The following SLCO3A1 variants were observed in gnomAD, a reference collection of about 807,000 sequenced individuals.
SLCO3A1 encodes solute carrier organic anion transporter family member 3A1.
A neutral mutation model predicts 63.1 loss-of-function variants in SLCO3A1; 27 were observed. The observed-to-expected ratio is 0.43, with a 90% CI of 0.32 to 0.59. The LOEUF is 0.59. Among genes scored for constraint, SLCO3A1 ranks in the 20% least tolerant of loss-of-function variants. SLCO3A1 has a pLI of 0.09. For missense variants in SLCO3A1, 773 were observed against 945.8 expected, an observed-to-expected ratio of 0.82 and a Z score of 2.40; for synonymous variants, 473 against 409.9, an observed-to-expected ratio of 1.15 and a Z score of -1.86.
At chr15:92,147,193 T>C (rs2048237999) in intron 8 of SLCO3A1, 34 bp downstream of exon 8, 1 of 1,585,486 alleles carries the variant, frequency 6.3e-7, no homozygotes, top group Non-Finnish European at 8.6e-7. Context: ...CTCTCCTCCT[T>C]TCCACCTGGT....
intron 2 of SLCO3A1, among the ~76,000 whole-genome samples, chr15:91,926,937 A>G (rs1266922633): frequency 6.6e-6 from 1 of 152,176 alleles, no homozygotes; most frequent in Admixed American, 6.5e-5. Flanking sequence ...CTTTGGTGAC[A>G]GGCATTTTGG....
At chr15:92,054,094 A>G (rs956936029) in intron 2 of SLCO3A1, among the ~76,000 whole-genome samples, 6 of 152,206 alleles carry the variant, frequency 3.9e-5, no homozygotes, top group Non-Finnish European at 8.8e-5. Flanking sequence ...TTTACAATCC[A>G]GTACTGCTAT....
chr15:92,095,014 G>C, intron 3 of SLCO3A1, 35 bp downstream of exon 3: 1 of 1,421,950 alleles, frequency 7.0e-7, no homozygotes, highest in Non-Finnish European at 9.9e-7. Context: ...CCTTCCATCC[G>C]CAAGCGTTTC....
At chr15:91,861,116 T>A (rs934382362) in intron 1 of SLCO3A1, among the ~76,000 whole-genome samples, 4 of 152,154 alleles carry the variant, frequency 2.6e-5, no homozygotes, top group Non-Finnish European at 5.9e-5. Context: ...GTTTTTAGAT[T>A]CACCTTCAAA....
At chr15:92,144,379 T>C (rs1319596103) in intron 7 of SLCO3A1, among the ~76,000 whole-genome samples, 1 of 152,152 alleles carries the variant, frequency 6.6e-6, no homozygotes, top group African/African-American at 2.4e-5. Flanking sequence ...TATGAGGAGA[T>C]GCCCAGATAA....
chr15:92,164,248 A>G lies in SLCO3A1; in HGVS notation c.*1113A>G. 3.0e-6 allele frequency: 3 copies of G among 984,258 alleles called. No homozygotes were observed. Among genetic ancestry groups the G allele is most frequent in the South Asian group, 4.7e-5 (1 of 21,260 alleles). The allele number at this position is 984,258 out of a possible 1,614,324, so 61.0% of individuals were successfully genotyped here. A position where few individuals can be genotyped will look rare whatever the true frequency, so the allele number is the denominator to read the frequency against. On this transcript the variant is annotated 3_prime_UTR_variant, in exon 10 of 10. Transcript: ENST00000318445. Reference sequence around the variant, plus strand: ...CAAGGGATGCAATTAACCTATTGTAATTTTCATCATTTTATCCTCATTCGA... The same window carrying G: ...CAAGGGATGCAATTAACCTATTGTAGTTTTCATCATTTTATCCTCATTCGA...
rs181438460 is a variant in SLCO3A1 at position 92,066,438 on chromosome 15, A to G, written c.647-28443A>G. Among the ~76,000 whole-genome samples, 577 of 152,354 alleles carry G rather than the reference A, an allele frequency of 3.8e-3. 4 individuals carry two copies. The highest frequency in any genetic ancestry group is 0.013 in the African/African-American group (554 of 41,578). The stretch of plus-strand genomic sequence containing the variant: ...ATCCATAGGGTCTGGGATGCTGAAC[A>G]AACAGCCACAATTTCAGTTATTGTT... On this transcript the variant is annotated intron_variant, in intron 2 of 9. Coordinates refer to ENST00000318445, the MANE Select transcript of SLCO3A1 (RefSeq NM_013272.4).
intron 1 of SLCO3A1, among the ~76,000 whole-genome samples, chr15:91,899,654 A>G (rs1453493302): frequency 3.3e-5 from 5 of 152,148 alleles, no homozygotes. Context: ...CATGCTAAGT[A>G]TACAAGTCAA....
intron 2 of SLCO3A1, among the ~76,000 whole-genome samples, chr15:91,962,524 G>A (rs1900488461): frequency 6.6e-6 from 1 of 150,536 alleles, no homozygotes; most frequent in African/African-American, 2.4e-5. Flanking sequence ...CCTGTGGCCT[G>A]AGAAAGAAAA....
intron 2 of SLCO3A1, among the ~76,000 whole-genome samples, chr15:91,979,764 C>T (rs546072844): frequency 6.6e-6 from 1 of 152,298 alleles, no homozygotes; most frequent in Non-Finnish European, 1.5e-5. Context: ...GTATACAATG[C>T]ATGTCAAGTG....
intron 2 of SLCO3A1, among the ~76,000 whole-genome samples, chr15:92,003,772 C>A (rs1567061581): frequency 6.6e-6 from 1 of 152,184 alleles, no homozygotes; most frequent in Non-Finnish European, 1.5e-5. Context: ...ATTACATGCA[C>A]CACCAGCCAG....
At chr15:91,957,050 TAA>T (rs1900234535) in intron 2 of SLCO3A1, among the ~76,000 whole-genome samples, 2 of 5,442 alleles carry the variant, frequency 3.7e-4, no homozygotes, top group African/African-American at 1.3e-3. Flanking sequence ...AGTATATATA[TAA>T]TATATACTAT....
intron 1 of SLCO3A1, among the ~76,000 whole-genome samples, chr15:91,873,425 C>CA (rs1009370230): frequency 1.3e-5 from 2 of 151,596 alleles, no homozygotes; most frequent in African/African-American, 4.8e-5. Context: ...TATGACGAAA[C>CA]AAAAAAGTAG....
At chr15:92,016,254 T>TAGATTGATTAGATAGATAGATAGATAGA in intron 2 of SLCO3A1, among the ~76,000 whole-genome samples, 38 of 95,708 alleles carry the variant, frequency 4.0e-4, no homozygotes, top group Non-Finnish European at 4.3e-4. Context: ...GATAGATAGA[T>TAGATTGATTAGATAGATAGATAGATAGA]TAGATAGATA....
intron 2 of SLCO3A1, among the ~76,000 whole-genome samples, chr15:91,994,305 A>T (rs373147732): frequency 6.6e-5 from 10 of 152,120 alleles, no homozygotes; most frequent in African/African-American, 1.7e-4. Flanking sequence ...CAGAGATTAT[A>T]TTTACTTTTT....
At chr15:92,151,195 C>G (rs113367462) in intron 9 of SLCO3A1, 181 bp downstream of exon 9, 187 of 556,310 alleles carry the variant, frequency 3.4e-4, no homozygotes, top group African/African-American at 2.8e-3. Context: ...GACACTGCCT[C>G]GATATCACGA....
At chr15:92,096,137 A>G (rs770247587) in intron 3 of SLCO3A1, among the ~76,000 whole-genome samples, 1 of 152,094 alleles carries the variant, frequency 6.6e-6, no homozygotes, top group Non-Finnish European at 1.5e-5. Context: ...CAAGGTGGCA[A>G]CCTGGTCTTG....
In SLCO3A1 at chr15:92,033,714, G is replaced by A. The variant is rs1567078412; in HGVS notation, c.647-61167G>A. Among the ~76,000 whole-genome samples the A allele has an allele frequency of 1.3e-5, 2 of 152,184 alleles. No individual in the cohort carries two copies. Among genetic ancestry groups the A allele is most frequent in the South Asian group, 2.1e-4 (1 of 4,828 alleles). On this transcript the variant is annotated intron_variant, in intron 2 of 9. Coordinates refer to ENST00000318445, the MANE Select transcript of SLCO3A1 (RefSeq NM_013272.4). This position sits in a 1 kb window ranked among gnomAD's most constrained non-coding sequence, Gnocchi z 4.5. Reference sequence around the variant, plus strand: ...AACTAAGAAGAGTAGGTGGTGGCTCGCTGGTGGCAAAAAAGACGGGGATAG... The same window carrying A: ...AACTAAGAAGAGTAGGTGGTGGCTCACTGGTGGCAAAAAAGACGGGGATAG...
intron 2 of SLCO3A1, among the ~76,000 whole-genome samples, chr15:91,956,665 C>G (rs1900188229): frequency 6.6e-6 from 1 of 151,818 alleles, no homozygotes; most frequent in African/African-American, 2.4e-5. Context: ...CAGCCTAAAA[C>G]CCCCGACACC....
Sources: gnomAD v4.1 joint callset for allele counts (sites outside exome capture counted in the v4.1 genomes callset) on GRCh38, gnomAD v4.1.1 for gene constraint, Gnocchi (gnomAD v3.1) non-coding constraint, MANE v1.5 for transcripts, NCBI Gene and HGNC (gene_info 2026-07-23, HGNC 2026-07-21) for gene names.